Variants in MAP2K1 observed in about 807,000 individuals in gnomAD.
The protein encoded by MAP2K1 is mitogen-activated protein kinase kinase 1.
A neutral mutation model predicts 46.3 loss-of-function variants in MAP2K1; 16 were observed. The ratio of observed to expected loss-of-function variants is 0.35; its 90% CI spans 0.23 to 0.52. The LOEUF (loss-of-function observed/expected upper bound fraction) is 0.52, where lower values mean the gene tolerates loss of function less well. Ranked by LOEUF, MAP2K1 falls within the 20% of genes least tolerant of loss-of-function variation. MAP2K1 has a pLI of 0.94. For synonymous variants in MAP2K1, 183 were observed against 185.6 expected (o/e 0.99, Z 0.11); for missense variants, 263 against 497.1 (o/e 0.53, Z 4.48).
intron 1 of MAP2K1, among the ~76,000 whole-genome samples, chr15:66,423,442 C>CT (rs35710848): frequency 0.02 from 2,730 of 139,196 alleles, 31 homozygotes; most frequent in Admixed American, 0.023. Flanking sequence ...TTTTTCTTTC[C>CT]TTTTTTTTTT....
chr15:66,449,576 A>G (rs951527115), intron 5 of MAP2K1, among the ~76,000 whole-genome samples: 1 of 152,212 alleles, frequency 6.6e-6, no homozygotes, highest in African/African-American at 2.4e-5. Context: ...GCATGAAAGT[A>G]TACACTTAAA....
chr15:66,488,321 T>G (rs891579152), intron 8 of MAP2K1, among the ~76,000 whole-genome samples: 1 of 152,222 alleles, frequency 6.6e-6, no homozygotes, highest in Non-Finnish European at 1.5e-5. Flanking sequence ...AGTCCTCACC[T>G]AAGATCAGAC....
At chr15:66,462,820 G>A (rs1892360829) in intron 5 of MAP2K1, among the ~76,000 whole-genome samples, 1 of 152,114 alleles carries the variant, frequency 6.6e-6, no homozygotes, top group Admixed American at 6.5e-5. Flanking sequence ...AACACAACAG[G>A]GGACTTCCTT....
intron 1 of MAP2K1, among the ~76,000 whole-genome samples, chr15:66,427,567 AAATAAT>A (rs1375269987): frequency 6.6e-6 from 1 of 152,084 alleles, no homozygotes; most frequent in Non-Finnish European, 1.5e-5. Flanking sequence ...CCAAAAAAAA[AAATAAT>A]AATAATAACA....
chr15:66,488,851 G>A (rs924635387), intron 8 of MAP2K1: 3 of 341,700 alleles, frequency 8.8e-6, no homozygotes, highest in East Asian at 1.4e-4. Context: ...CCATTGTAGA[G>A]TGTCAGAGCT....
At chr15:66,417,582 CAAAA>C (rs1373894341) in intron 1 of MAP2K1, among the ~76,000 whole-genome samples, 1 of 152,062 alleles carries the variant, frequency 6.6e-6, no homozygotes, top group Non-Finnish European at 1.5e-5. Flanking sequence ...CTCAAAAAAA[CAAAA>C]AACCTATGCT....
At chr15:66,419,454 A>G (rs1366590335) in intron 1 of MAP2K1, among the ~76,000 whole-genome samples, 1 of 151,456 alleles carries the variant, frequency 6.6e-6, no homozygotes, top group East Asian at 2.0e-4. Flanking sequence ...TGGGAGGTGG[A>G]GGTTGCAGTG....
intron 1 of MAP2K1, among the ~76,000 whole-genome samples, chr15:66,397,106 G>A (rs1305009782): frequency 7.2e-6 from 1 of 138,446 alleles, no homozygotes; most frequent in South Asian, 2.4e-4. Flanking sequence ...CTGGGTTCAC[G>A]CCATTCTCCT....
At chr15:66,397,338 C>T (rs547984307) in intron 1 of MAP2K1, among the ~76,000 whole-genome samples, 1 of 152,232 alleles carries the variant, frequency 6.6e-6, no homozygotes, top group South Asian at 2.1e-4. Flanking sequence ...TCGGTCATAT[C>T]ACTTAACCTC....
At chr15:66,479,051 CTGTGTGACTT>C (rs1892852035) in intron 5 of MAP2K1, among the ~76,000 whole-genome samples, 8 of 151,394 alleles carry the variant, frequency 5.3e-5, no homozygotes, top group South Asian at 4.2e-4. Flanking sequence ...CCAGTTTTTG[CTGTGTGACTT>C]TGAACAAGTT....
chr15:66,419,902 A>AG (rs2093433544), intron 1 of MAP2K1, among the ~76,000 whole-genome samples: 1 of 151,504 alleles, frequency 6.6e-6, no homozygotes, highest in Non-Finnish European at 1.5e-5. Flanking sequence ...ACATAAACAA[A>AG]AAAAAAGTCT....
At chr15:66,408,977 G>C (rs2093404834) in intron 1 of MAP2K1, among the ~76,000 whole-genome samples, 1 of 152,184 alleles carries the variant, frequency 6.6e-6, no homozygotes, top group Non-Finnish European at 1.5e-5. Flanking sequence ...GCAAGGTTCT[G>C]CTAACCGCTG....
intron 1 of MAP2K1, chr15:66,401,836 C>T (rs746805047): frequency 2.3e-5 from 13 of 558,636 alleles, no homozygotes; most frequent in Non-Finnish European, 3.7e-5. Flanking sequence ...GAAGAGAGCA[C>T]GGGATGAGCA....
rs190971458 is a variant in MAP2K1 at position 66,400,238 on chromosome 15, G to A, written c.80+12811G>A. Among the ~76,000 whole-genome samples the A allele has an allele frequency of 5.3e-4, 80 of 151,774 alleles. 1 individual carries two copies. The highest frequency in any genetic ancestry group is 2.7e-3 in the East Asian group (14 of 5,110). On this transcript the variant is annotated intron_variant, in intron 1 of 10. Transcript: ENST00000307102. ...AGGTTCTCACTCTGTTGCCCAGGCT[G>A]GTCTCAAACTCTTTGGCTCAAGCGA...
chr15:66,411,499 T>G (rs550336181), intron 1 of MAP2K1, among the ~76,000 whole-genome samples: 4 of 152,326 alleles, frequency 2.6e-5, no homozygotes, highest in South Asian at 2.1e-4. Context: ...TTTTATCTGC[T>G]TCTTTTTTAA....
chr15:66,408,558 G>C (rs1455450950), intron 1 of MAP2K1, among the ~76,000 whole-genome samples: 1 of 151,994 alleles, frequency 6.6e-6, no homozygotes, highest in Admixed American at 6.6e-5. Context: ...GTGGTATGGG[G>C]TTGTGTTGGG....
intron 1 of MAP2K1, among the ~76,000 whole-genome samples, chr15:66,388,799 A>T (rs1420088507): frequency 6.6e-6 from 1 of 151,888 alleles, no homozygotes; most frequent in Non-Finnish European, 1.5e-5. Flanking sequence ...CCTGCTCCCA[A>T]CAGACTCTCT....
At chr15:66,424,862 A>G (rs555879074) in intron 1 of MAP2K1, among the ~76,000 whole-genome samples, 12 of 143,690 alleles carry the variant, frequency 8.4e-5, no homozygotes, top group African/African-American at 3.1e-4. Flanking sequence ...CAGTGGTGCA[A>G]TCTCGGCTCA....
intron 3 of MAP2K1, among the ~76,000 whole-genome samples, chr15:66,441,550 G>C (rs147726607): frequency 8.6e-5 from 13 of 151,780 alleles, no homozygotes; most frequent in Non-Finnish European, 1.8e-4. Flanking sequence ...ACGTACCTGT[G>C]GTCCCAACTA....
Sources: allele counts gnomAD v4.1 joint callset (sites outside exome capture counted in the v4.1 genomes callset), GRCh38; gene constraint gnomAD v4.1.1; transcripts MANE v1.5; gene names NCBI Gene and HGNC (gene_info 2026-07-23, HGNC 2026-07-21).